The following ITGB2 variants were observed in gnomAD, a reference collection of about 807,000 sequenced individuals.
The protein encoded by ITGB2 is integrin subunit beta 2.
In ITGB2, 56 loss-of-function variants were observed where a neutral mutation model predicts 86.8. The observed-to-expected ratio is 0.65, with a 90% CI of 0.52 to 0.81. The LOEUF is 0.81. Among genes scored for constraint, ITGB2 ranks in the 30% least tolerant of loss-of-function variants. ITGB2 has a pLI of 0.00. For synonymous variants in ITGB2, 457 were observed against 450.4 expected, an observed-to-expected ratio of 1.01 and a Z score of -0.19; for missense variants, 948 against 1,061.2, an observed-to-expected ratio of 0.89 and a Z score of 1.48.
At chr21:44,916,058 G>A (rs945782978) in intron 1 of ITGB2, among the ~76,000 whole-genome samples, 2 of 152,090 alleles carry the variant, frequency 1.3e-5, no homozygotes, top group African/African-American at 4.8e-5. Context: ...GAGTAGCTGG[G>A]ACTATAGGTG....
At chr21:44,927,838 A>C (rs899553232) in intron 1 of ITGB2, 3 of 152,228 alleles carry the variant, frequency 2.0e-5, no homozygotes, top group Admixed American at 2.0e-4. Flanking sequence ...GCTCTTTCTC[A>C]TGGGATCCCC....
intron 5 of ITGB2, 97 bp downstream of exon 5, chr21:44,903,268 C>T: frequency 6.7e-7 from 1 of 1,497,436 alleles, no homozygotes; most frequent in East Asian, 2.3e-5. Context: ...CAGATCTACC[C>T]TGGGGACCTG....
intron 1 of ITGB2, among the ~76,000 whole-genome samples, chr21:44,920,501 C>T (rs1051564849): frequency 3.3e-5 from 5 of 152,158 alleles, no homozygotes; most frequent in African/African-American, 1.2e-4. Context: ...ACCAGGACCC[C>T]CCAGCCGTCC....
At chr21:44,899,659 G>T (rs1343806477) in intron 7 of ITGB2, among the ~76,000 whole-genome samples, 1 of 152,152 alleles carries the variant, frequency 6.6e-6, no homozygotes, top group Non-Finnish European at 1.5e-5. Flanking sequence ...TCGCACTACG[G>T]CCAGCGAGGA....
chr21:44,903,812 G>A (rs947666179), intron 4 of ITGB2, among the ~76,000 whole-genome samples: 1 of 152,110 alleles, frequency 6.6e-6, no homozygotes, highest in Non-Finnish European at 1.5e-5. Flanking sequence ...TGACGCCAGC[G>A]ACATTGGGGA....
At chr21:44,924,541 T>C (rs907665461), upstream of ITGB2, among the ~76,000 whole-genome samples, 8 of 152,180 alleles carry the variant, frequency 5.3e-5, no homozygotes, top group Non-Finnish European at 1.2e-4. Flanking sequence ...AACACAATTA[T>C]GTTACAAAGT....
chr21:44,893,644 G>A (rs1228681502), intron 9 of ITGB2, 100 bp from the exon 10 acceptor site: 4 of 1,474,886 alleles, frequency 2.7e-6, no homozygotes, highest in African/African-American at 1.4e-5. Flanking sequence ...TCCTCTCAGT[G>A]CAAGTCCCCA....
chr21:44,899,010 G>T, intron 8 of ITGB2, 57 bp downstream of exon 8: 2 of 1,382,640 alleles, frequency 1.4e-6, no homozygotes, highest in Non-Finnish European at 2.1e-6. Flanking sequence ...GCTGGGTCTG[G>T]CCTGTGGCTG....
rs192616935 is a variant in ITGB2 at position 44,906,694 on chromosome 21, C to T, written c.328+221G>A. Among the ~76,000 whole-genome samples, 43 of 152,258 alleles carry T rather than the reference C, an allele frequency of 2.8e-4. No individual in the cohort carries two copies. In the East Asian group the frequency reaches 8.1e-3, roughly 29 times the overall value. ...GCGAGAGAGTGCAGACACTGGGCAC[C>T]GATGGTAAGGGCTGGGGCAGCTCCA... is the stretch of plus-strand genomic sequence containing the variant. On this transcript the variant is annotated intron_variant, in intron 4 of 15. Transcript: ENST00000652462.
chr21:44,915,361 CG>C (rs1279349532), intron 1 of ITGB2, among the ~76,000 whole-genome samples: 1 of 152,152 alleles, frequency 6.6e-6, no homozygotes, highest in East Asian at 1.9e-4. Context: ...AACCCTAAGA[CG>C]AGACTGCTTG....
chr21:44,888,030 C>T (rs1042469380), intron 14 of ITGB2, among the ~76,000 whole-genome samples: 9 of 152,230 alleles, frequency 5.9e-5, no homozygotes, highest in African/African-American at 1.7e-4. Context: ...GAAGCAGGGC[C>T]AGTGTCACCA....
At chr21:44,894,931 C>T (rs752531214) in intron 9 of ITGB2, 40 bp downstream of exon 9, 2 of 1,380,236 alleles carry the variant, frequency 1.4e-6, no homozygotes, top group Non-Finnish European at 1.0e-6. Flanking sequence ...AGATTGCTGG[C>T]CACCCCATGG....
chr21:44,925,042 G>A (rs1229104805), upstream of ITGB2, among the ~76,000 whole-genome samples: 1 of 152,128 alleles, frequency 6.6e-6, no homozygotes, highest in East Asian at 1.9e-4. Context: ...GGCAAGTCAG[G>A]CAACATGTTA....
intron 8 of ITGB2, among the ~76,000 whole-genome samples, chr21:44,896,404 G>A (rs2083871968): frequency 6.6e-6 from 1 of 152,238 alleles, no homozygotes; most frequent in African/African-American, 2.4e-5. Flanking sequence ...GCACAGGGGC[G>A]CAGCCAGCCT....
intron 4 of ITGB2, 69 bp from the exon 5 acceptor site, chr21:44,903,604 C>T (rs1260624437): frequency 1.3e-6 from 2 of 1,587,528 alleles, no homozygotes; most frequent in Non-Finnish European, 8.6e-7. Context: ...GGGCGTGTGG[C>T]CCCGAGCGGG....
At chr21:44,913,305 C>G (rs140271317) in intron 1 of ITGB2, among the ~76,000 whole-genome samples, 59 of 152,274 alleles carry the variant, frequency 3.9e-4, no homozygotes, top group African/African-American at 1.3e-3. Context: ...CTAACACAGT[C>G]GTGACCAGTG....
chr21:44,909,052 G>A (rs1053756081), intron 3 of ITGB2, among the ~76,000 whole-genome samples: 14 of 152,222 alleles, frequency 9.2e-5, no homozygotes, highest in Middle Eastern at 3.2e-3. Flanking sequence ...TGGCAGGCGG[G>A]GACCAGCACG....
chr21:44,918,100 T>C (rs2084238037), intron 1 of ITGB2, among the ~76,000 whole-genome samples: 1 of 152,252 alleles, frequency 6.6e-6, no homozygotes, highest in South Asian at 2.1e-4. Context: ...CACAGCTCCA[T>C]AATTGCTAGG....
chr21:44,886,553 C>T (rs985773027), intron 15 of ITGB2, 123 bp from the exon 16 acceptor site: 3 of 1,397,702 alleles, frequency 2.1e-6, no homozygotes, highest in East Asian at 4.6e-5. Context: ...GTGGGGCAGC[C>T]CCCCCAGGGT....
Sources: allele counts gnomAD v4.1 joint callset (sites outside exome capture counted in the v4.1 genomes callset), GRCh38; gene constraint gnomAD v4.1.1; transcripts MANE v1.5; gene names NCBI Gene and HGNC (gene_info 2026-07-23, HGNC 2026-07-21).